The following TERT variants were observed in gnomAD, a reference collection of about 807,000 sequenced individuals.
The protein encoded by TERT is telomerase catalytic subunit.
TERT carries 42 observed loss-of-function variants against 104.0 expected under a neutral mutation model. The ratio of observed to expected loss-of-function variants is 0.40; its 90% CI spans 0.32 to 0.52. The LOEUF is 0.52. TERT is among the 20% of genes least tolerant of loss of function. TERT has a pLI of 0.43. For missense variants in TERT, 1,101 were observed against 1,610.3 expected, an observed-to-expected ratio of 0.68 and a Z score of 5.41; for synonymous variants, 781 against 725.6, an observed-to-expected ratio of 1.08 and a Z score of -1.23.
chr5:1,275,376 C>CA (rs111367509), intron 6 of TERT, among the ~76,000 whole-genome samples: 2,408 of 109,514 alleles, frequency 0.022, 42 homozygotes, highest in African/African-American at 0.063. Context: ...ACTCTGTTAT[C>CA]AAAAAAAAAA....
chr5:1,269,361 G>A lies in TERT; in HGVS notation c.2469-728C>T, dbSNP rs999794713. On this transcript the variant is annotated intron_variant, in intron 8 of 15. Coordinates refer to ENST00000310581, the MANE Select transcript of TERT (RefSeq NM_198253.3). The surrounding 1 kb of genome is among the most constrained non-coding windows in gnomAD (Gnocchi z 9.0). ...GTGATGGCTCACACCTGTAATCCCA[G>A]CACTTTGGGAGGCCGAGGTGGGTGG... Among the ~76,000 whole-genome samples the A allele has an allele frequency of 3.3e-5, 5 of 152,164 alleles. No individual in the cohort carries two copies. The highest frequency in any genetic ancestry group is 1.5e-5 in the Non-Finnish European group (1 of 68,034).
chr5:1,272,409 G>A (rs927705631), intron 6 of TERT, 129 bp from the exon 7 acceptor site: 15 of 874,690 alleles, frequency 1.7e-5, no homozygotes, highest in South Asian at 1.4e-4. Flanking sequence ...CCCAGAGAGC[G>A]CCTGGGAAGC....
chr5:1,278,941 C>T (rs1749809769), intron 5 of TERT, 145 bp from the exon 6 acceptor site: 10 of 1,185,744 alleles, frequency 8.4e-6, no homozygotes, highest in Non-Finnish European at 1.2e-5. Context: ...CGGGCTGTGT[C>T]CCCTCTCTGA....
intron 4 of TERT, among the ~76,000 whole-genome samples, chr5:1,279,841 G>A (rs1030894172): frequency 6.6e-5 from 10 of 152,194 alleles, no homozygotes; most frequent in East Asian, 1.9e-4. Flanking sequence ...AAGCGGAAGC[G>A]CACGGAGGCT....
In TERT at chr5:1,253,254, GGT is replaced by G. The variant is rs1159582642; in HGVS notation, c.*472_*473del. ...TTTGACCCACAGGGACCCCCATCCA[GGT>G]GCAGGGTCCTCGCCTGTGTACAGGG... On this transcript the variant is annotated 3_prime_UTR_variant, in exon 16 of 16. Coordinates refer to ENST00000310581, the MANE Select transcript of TERT (RefSeq NM_198253.3). 1 of 261,980 alleles carries G rather than the reference GGT, an allele frequency of 3.8e-6. No individual in the cohort carries two copies. The highest frequency in any genetic ancestry group is 5.6e-5 in the East Asian group (1 of 17,900). 16.2% of individuals were successfully genotyped at this position (261,980 alleles called of 1,614,324 possible).
chr5:1,271,697 A>ACAGGG (rs1749047255), intron 7 of TERT, among the ~76,000 whole-genome samples: 1 of 152,354 alleles, frequency 6.6e-6, no homozygotes, highest in South Asian at 2.1e-4. Flanking sequence ...GCAAAGGGCC[A>ACAGGG]CAGGGCCACG....
chr5:1,254,159 G>A (rs562678992), intron 15 of TERT, among the ~76,000 whole-genome samples: 13 of 152,200 alleles, frequency 8.5e-5, no homozygotes, highest in Non-Finnish European at 1.9e-4. Context: ...GGAAGCAGGG[G>A]TTCAAGAAGT....
In TERT at chr5:1,255,479, T is replaced by A; in HGVS notation, c.3033-68A>T. On this transcript the variant is annotated intron_variant, in intron 13 of 15. Coordinates refer to ENST00000310581, the MANE Select transcript of TERT (RefSeq NM_198253.3). The surrounding 1 kb of genome is among the most constrained non-coding windows in gnomAD (Gnocchi z 6.9). ...CAGACGGTGCTCGTGGGTGTGGGCATGGGCCCACCGGTGCCTGTGTGCGTG... is the reference window on the plus strand; with the variant it reads ...CAGACGGTGCTCGTGGGTGTGGGCAAGGGCCCACCGGTGCCTGTGTGCGTG... 1 of 1,604,864 alleles carries A rather than the reference T, an allele frequency of 6.2e-7. No homozygotes were observed. Among genetic ancestry groups the A allele is most frequent in the Non-Finnish European group, 8.5e-7 (1 of 1,173,624 alleles).
rs1259237125 is a variant in TERT, at chr5:1,270,672, C to T, written c.2468+447G>A. The stretch of plus-strand genomic sequence containing the variant: ...TCACAGAGAGAAGAGCCCGCGCCCT[C>T]GCGGGGGTCACACGACAGGGACAGG... On this transcript the variant is annotated intron_variant, in intron 8 of 15. Transcript: ENST00000310581. The surrounding 1 kb of genome is among the most constrained non-coding windows in gnomAD (Gnocchi z 8.3). Among the ~76,000 whole-genome samples, 1 of 152,216 alleles carries T rather than the reference C, an allele frequency of 6.6e-6. No homozygotes were observed. Among genetic ancestry groups the T allele is most frequent in the South Asian group, 2.1e-4 (1 of 4,838 alleles).
Position 1,270,546 on chromosome 5 carries a change from G to A in TERT, c.2468+573C>T, listed in dbSNP as rs926755674. Reference sequence around the variant, plus strand: ...AGTGTGGCTCACCCAGTGGCTGTGTGACGGCAGCTCTCCCAGGCCGCCTGC... The same window carrying A: ...AGTGTGGCTCACCCAGTGGCTGTGTAACGGCAGCTCTCCCAGGCCGCCTGC... On this transcript the variant is annotated intron_variant, in intron 8 of 15. Transcript: ENST00000310581. This position sits in a 1 kb window ranked among gnomAD's most constrained non-coding sequence, Gnocchi z 8.3. 6.6e-6 allele frequency among the ~76,000 whole-genome samples: 1 copy of A among 152,220 alleles called. No individual in the cohort carries two copies. The highest frequency in any genetic ancestry group is 1.5e-5 in the Non-Finnish European group (1 of 68,040).
intron 9 of TERT, among the ~76,000 whole-genome samples, chr5:1,267,626 C>G (rs940215397): frequency 4.6e-5 from 7 of 152,218 alleles, no homozygotes; most frequent in Non-Finnish European, 1.5e-5. Flanking sequence ...AAATGTGGCA[C>G]ATATACACCA....
Position 1,293,360 on chromosome 5 carries a change from G to C in TERT, c.1526C>G (p.Thr509Arg). The stretch of plus-strand genomic sequence containing the variant: ...GCAGTCCCGCACGCTCATCTTCCAC[G>C]TCAGCTCCTGCAGCGAGAGCTTGGC... The part of the protein sequence containing the change: ...KHAKLSLQEL[T>R]WKMSVRDCAW... Residue 509 changes from threonine (T) to arginine (R), a missense_variant, in exon 2 of 16, where the codon ACG (threonine) becomes AGG (arginine). Thr to Arg is a moderately conservative substitution (Grantham distance 71, BLOSUM62 -1). Transcript: ENST00000310581. 6.2e-7 allele frequency: 1 copy of C among 1,613,306 alleles called. No individual in the cohort carries two copies. Among genetic ancestry groups the C allele is most frequent in the Non-Finnish European group, 8.5e-7 (1 of 1,180,002 alleles).
intron 4 of TERT, 33 bp from the exon 5 acceptor site, chr5:1,279,503 A>G (rs1749868575): frequency 3.2e-6 from 5 of 1,547,304 alleles, no homozygotes; most frequent in Non-Finnish European, 3.5e-6. Flanking sequence ...CAGTCAGGAA[A>G]GTGGATCCGG....
chr5:1,278,565 G>T, intron 6 of TERT, 76 bp downstream of exon 6: 1 of 1,597,484 alleles, frequency 6.3e-7, no homozygotes, highest in South Asian at 1.1e-5. Context: ...ACGCATCACA[G>T]ACACGACTGC....
At position 1,272,096 on chromosome 5, in the gene TERT, C is replaced by G. The variant is rs952953857; in HGVS notation, c.2382+89G>C. The G allele has an allele frequency of 1.4e-5, 16 of 1,127,762 alleles. No homozygotes were observed. The Admixed American group carries it at 3.0e-4, about 21-fold the overall frequency. 69.9% of individuals were successfully genotyped at this position (1,127,762 alleles called of 1,614,324 possible). On this transcript the variant is annotated intron_variant, in intron 7 of 15. Transcript: ENST00000310581. ...TCCCCCCACTGCCCCCCAGGGCCAA[C>G]AGTCTGTCCGGTCATGAGCCCAGTG...
At chr5:1,264,992 A>T (rs1324045384) in intron 10 of TERT, among the ~76,000 whole-genome samples, 10 of 152,178 alleles carry the variant, frequency 6.6e-5, no homozygotes, top group African/African-American at 2.4e-4. Context: ...TTCTTTTAAG[A>T]CGTTTCTCAA....
In TERT at chr5:1,294,152, T is replaced by G. The variant is rs1751211244; in HGVS notation, c.734A>C (p.Glu245Ala). The G allele has an allele frequency of 6.3e-7, 1 of 1,581,776 alleles. No individual in the cohort carries two copies. Among genetic ancestry groups the G allele is most frequent in the African/African-American group, 1.3e-5 (1 of 74,114 alleles). Residue 245 changes from glutamate to alanine, a missense_variant, in exon 2 of 16, where the codon GAG becomes GCG. Physicochemically the swap from Glu to Ala is moderately radical, Grantham distance 107. Coordinates refer to ENST00000310581, the MANE Select transcript of TERT (RefSeq NM_198253.3). ...PKRPRRGAAPEPERTPVGQGS... is the reference protein window; with the variant it reads ...PKRPRRGAAPAPERTPVGQGS... ...CTGCCCAACGGGCGTCCGCTCCGGC[T>G]CAGGGGCAGCGCCACGCCTGGGCCT...
At chr5:1,275,318 G>A (rs1260725105) in intron 6 of TERT, among the ~76,000 whole-genome samples, 1 of 150,872 alleles carries the variant, frequency 6.6e-6, no homozygotes, top group Non-Finnish European at 1.5e-5. Flanking sequence ...AGGTTGCAGT[G>A]AGCCAAGATC....
chr5:1,282,686 C>T, intron 2 of TERT, 62 bp from the exon 3 acceptor site: 3 of 1,559,404 alleles, frequency 1.9e-6, no homozygotes, highest in Non-Finnish European at 2.6e-6. Flanking sequence ...CACCCCGGAC[C>T]TGCACCATCC....
Sources: gnomAD v4.1 joint callset for allele counts (sites outside exome capture counted in the v4.1 genomes callset) on GRCh38, gnomAD v4.1.1 for gene constraint, Gnocchi (gnomAD v3.1) non-coding constraint, MANE v1.5 for transcripts, NCBI Gene and HGNC (gene_info 2026-07-23, HGNC 2026-07-21) for gene names.